The following MAD1L1 variants were observed in gnomAD, a reference collection of about 807,000 sequenced individuals.
The protein encoded by MAD1L1 is mitotic spindle assembly checkpoint protein MAD1.
In MAD1L1, 95 loss-of-function variants were observed where a neutral mutation model predicts 96.9. That is an observed-to-expected ratio of 0.98 (90% CI 0.83 to 1.16). MAD1L1 has a LOEUF of 1.16. Among genes scored for constraint, MAD1L1 ranks in the 50% most tolerant of loss-of-function variants. The pLI is 0.00. For synonymous variants in MAD1L1, 473 were observed against 396.6 expected (o/e 1.19, Z -2.29); for missense variants, 1,007 against 954.4 (o/e 1.06, Z -0.73).
At chr7:1,936,643 C>A in intron 17 of MAD1L1, 44 bp downstream of exon 17, 4 of 1,523,198 alleles carry the variant, frequency 2.6e-6, no homozygotes, top group Non-Finnish European at 3.5e-6. Context: ...GACCTACCCA[C>A]GGAAGGTCGA....
intron 15 of MAD1L1, among the ~76,000 whole-genome samples, chr7:1,967,780 A>T (rs1452627401): frequency 6.6e-6 from 1 of 152,220 alleles, no homozygotes; most frequent in African/African-American, 2.4e-5. Context: ...GAGATCACGC[A>T]GCGAAACAAG....
intron 15 of MAD1L1, among the ~76,000 whole-genome samples, chr7:1,961,273 G>T (rs1413887072): frequency 1.3e-5 from 2 of 152,226 alleles, no homozygotes; most frequent in Admixed American, 1.3e-4. Flanking sequence ...ATATGGAGAT[G>T]TAATGGACCT....
intron 12 of MAD1L1, among the ~76,000 whole-genome samples, chr7:2,042,755 A>G (rs3857707): frequency 1 from 151,834 of 152,294 alleles, 75,692 homozygotes; most frequent in Non-Finnish European, 1. Context: ...GCTTCCTGGT[A>G]CCTCAGCAGA....
rs1002621793 is a variant in MAD1L1, at chr7:1,834,677, T to C, written c.1999-18449A>G. ...AGGTTCAATGGGTTTACCGATGAATTGGATCAACTATTTAAAAAAGAAATA... is the reference window on the plus strand; with the variant it reads ...AGGTTCAATGGGTTTACCGATGAATCGGATCAACTATTTAAAAAAGAAATA... On this transcript the variant is annotated intron_variant, in intron 18 of 18. Transcript: ENST00000265854. Among the ~76,000 whole-genome samples, 20 of 152,234 alleles carry C rather than the reference T, an allele frequency of 1.3e-4. 1 individual carries two copies. The highest frequency in any genetic ancestry group is 2.5e-4 in the Non-Finnish European group (17 of 68,038).
intron 10 of MAD1L1, among the ~76,000 whole-genome samples, chr7:2,194,185 G>C (rs866914621): frequency 8.5e-5 from 13 of 152,066 alleles, no homozygotes; most frequent in South Asian, 2.1e-4. Flanking sequence ...CTGAACTCCT[G>C]AGGTCAAGCA....
intron 18 of MAD1L1, among the ~76,000 whole-genome samples, chr7:1,829,258 G>C (rs1209099034): frequency 6.6e-6 from 1 of 152,248 alleles, no homozygotes; most frequent in Non-Finnish European, 1.5e-5. Flanking sequence ...CGGATGCAAA[G>C]TGGGGCGCAA....
chr7:1,940,974 C>CCCTCCTCTTCCTCGCCCAGGCCTCAG (rs1778948929), intron 16 of MAD1L1, among the ~76,000 whole-genome samples: 1 of 114,150 alleles, frequency 8.8e-6, no homozygotes, highest in African/African-American at 3.6e-5. Context: ...GCAGGCCTCA[C>CCCTCCTCTTCCTCGCCCAGGCCTCAG]CCTCCTCTTC....
chr7:2,091,579 T>G (rs1408402776), intron 11 of MAD1L1, among the ~76,000 whole-genome samples: 2 of 152,138 alleles, frequency 1.3e-5, no homozygotes, highest in Non-Finnish European at 2.9e-5. Flanking sequence ...ATCGAGACCA[T>G]ACTGGCTAAC....
chr7:2,045,887 G>A (rs149432530), intron 12 of MAD1L1, among the ~76,000 whole-genome samples: 1,826 of 152,274 alleles, frequency 0.012, 53 homozygotes, highest in Admixed American at 0.066. Context: ...ACGTTCTGCC[G>A]AGGGCCCCCC....
intron 18 of MAD1L1, among the ~76,000 whole-genome samples, chr7:1,891,124 G>C (rs757471384): frequency 4.3e-4 from 66 of 152,210 alleles, no homozygotes; most frequent in Non-Finnish European, 5.9e-4. Context: ...GCCAGCACAA[G>C]GACGAGGGGT....
At chr7:1,952,787 G>T (rs755956107) in intron 16 of MAD1L1, among the ~76,000 whole-genome samples, 1 of 152,258 alleles carries the variant, frequency 6.6e-6, no homozygotes, top group East Asian at 1.9e-4. Flanking sequence ...CCGGTCCAGA[G>T]GCCACACTCT....
At chr7:1,963,200 C>G (rs751758754) in intron 15 of MAD1L1, among the ~76,000 whole-genome samples, 2 of 152,168 alleles carry the variant, frequency 1.3e-5, no homozygotes, top group Non-Finnish European at 2.9e-5. Context: ...ATGTCCATCG[C>G]AAGGGAACGT....
At chr7:1,826,070 G>GGTGCCA (rs1562430080) in intron 18 of MAD1L1, among the ~76,000 whole-genome samples, 1 of 152,162 alleles carries the variant, frequency 6.6e-6, no homozygotes, top group Admixed American at 6.5e-5. Flanking sequence ...TGAGCCTGCC[G>GGTGCCA]GGTACAGCGT....
At chr7:1,895,320 T>C (rs895496851) in intron 18 of MAD1L1, among the ~76,000 whole-genome samples, 5 of 152,174 alleles carry the variant, frequency 3.3e-5, no homozygotes, top group Admixed American at 1.3e-4. Context: ...GACGTAACTG[T>C]ACCTGCTTTA....
At chr7:2,115,083 C>T (rs1053463893) in intron 11 of MAD1L1, among the ~76,000 whole-genome samples, 11 of 152,238 alleles carry the variant, frequency 7.2e-5, no homozygotes, top group Non-Finnish European at 1.0e-4. Flanking sequence ...ATCCCCGCCC[C>T]GCGACCCAAG....
intron 10 of MAD1L1, among the ~76,000 whole-genome samples, chr7:2,170,906 C>T (rs1790676147): frequency 6.6e-6 from 1 of 152,200 alleles, no homozygotes; most frequent in Admixed American, 6.5e-5. Flanking sequence ...GGAGGAGCCC[C>T]AAGCTCCCTG....
chr7:2,137,763 C>T (rs1168914654), intron 11 of MAD1L1, among the ~76,000 whole-genome samples: 2 of 152,208 alleles, frequency 1.3e-5, no homozygotes, highest in Non-Finnish European at 2.9e-5. Flanking sequence ...ACAGAAACTT[C>T]TCCAGGAAAG....
chr7:2,038,468 G>A (rs1444780165), intron 12 of MAD1L1, among the ~76,000 whole-genome samples: 1 of 142,852 alleles, frequency 7.0e-6, no homozygotes, highest in Non-Finnish European at 1.5e-5. Context: ...AGGACAAGCT[G>A]ATGCTGTTAG....
intron 10 of MAD1L1, among the ~76,000 whole-genome samples, chr7:2,176,878 A>G (rs1220355435): frequency 1.3e-5 from 2 of 152,254 alleles, no homozygotes; most frequent in East Asian, 1.9e-4. Context: ...AATTTATCAA[A>G]AGATAGGCAA....
Sources: gnomAD v4.1 joint callset for allele counts (sites outside exome capture counted in the v4.1 genomes callset) on GRCh38, gnomAD v4.1.1 for gene constraint, MANE v1.5 for transcripts, NCBI Gene and HGNC (gene_info 2026-07-23, HGNC 2026-07-21) for gene names.